Variants in SLC12A1 observed in about 807,000 individuals in gnomAD.
SLC12A1 encodes the protein solute carrier family 12 member 1.
SLC12A1 carries 89 observed loss-of-function variants against 130.4 expected under a neutral mutation model. The observed-to-expected ratio is 0.68, with a 90% CI of 0.58 to 0.81. The LOEUF is 0.81. Among genes scored for constraint, SLC12A1 ranks in the 40% least tolerant of loss-of-function variants. SLC12A1 has a pLI of 0.00. For synonymous variants in SLC12A1, 499 were observed against 460.0 expected (o/e 1.08, Z -1.09); for missense variants, 1,310 against 1,336.4 (o/e 0.98, Z 0.31).
At position 48,246,929 on chromosome 15, in the gene SLC12A1, G is replaced by A. The variant is rs753909595; in HGVS notation, c.1473G>A (p.Gly491=). 3 of 1,613,644 alleles carry A rather than the reference G, an allele frequency of 1.9e-6. No homozygotes were observed. Among genetic ancestry groups the A allele is most frequent in the African/African-American group, 2.7e-5 (2 of 74,896 alleles). ...TCAAGGTCATGAGCATGGTATCAGG[G>A]TTCGGCCCCCTCATCACTGCGGGAA... ...NNFQVMSMVS[G]FGPLITAGIF... is the part of the protein sequence containing the mutation. The change falls in exon 12 of 27, where the codon GGG becomes GGA. Residue 491 remains glycine, a synonymous_variant. Transcript: ENST00000380993.
At chr15:48,259,132 A>G (rs2041741373) in intron 16 of SLC12A1, 68 bp from the exon 17 acceptor site, 2 of 1,012,752 alleles carry the variant, frequency 2.0e-6, no homozygotes, top group Admixed American at 1.7e-5. Context: ...CTGTCATCCC[A>G]CTGGAATGGT....
intron 2 of SLC12A1, among the ~76,000 whole-genome samples, chr15:48,215,908 T>G (rs964634741): frequency 6.6e-6 from 1 of 152,330 alleles, no homozygotes; most frequent in South Asian, 2.1e-4. Context: ...CTGAATGAAT[T>G]GCACAACCAA....
chr15:48,209,447 C>A (rs899833132), intron 2 of SLC12A1, among the ~76,000 whole-genome samples: 2 of 152,136 alleles, frequency 1.3e-5, no homozygotes, highest in Admixed American at 1.3e-4. Context: ...CCTGCTCTTC[C>A]AGACCAGTTT....
chr15:48,226,221 A>G (rs2041283876), intron 4 of SLC12A1: 1 of 419,158 alleles, frequency 2.4e-6, no homozygotes, highest in African/African-American at 2.1e-5. Flanking sequence ...GGACACCAGC[A>G]TAAGTCAACT....
chr15:48,227,476 C>T, intron 5 of SLC12A1: 1 of 359,884 alleles, frequency 2.8e-6, no homozygotes, highest in Non-Finnish European at 5.2e-6. Context: ...ATGAGACCCA[C>T]TGGCTCTCTC....
intron 4 of SLC12A1, chr15:48,223,104 CT>C (rs1304361569): frequency 2.0e-5 from 3 of 152,180 alleles, no homozygotes; most frequent in Non-Finnish European, 2.9e-5. Flanking sequence ...GTTTCCCTTT[CT>C]TTTCTAAATA....
At chr15:48,262,065 T>C (rs921195283) in intron 17 of SLC12A1, among the ~76,000 whole-genome samples, 14 of 152,250 alleles carry the variant, frequency 9.2e-5, no homozygotes, top group African/African-American at 3.4e-4. Context: ...ATTTTTGGTA[T>C]GCTATAGTTG....
At chr15:48,210,559 G>A (rs951112167) in intron 2 of SLC12A1, among the ~76,000 whole-genome samples, 8 of 152,066 alleles carry the variant, frequency 5.3e-5, no homozygotes, top group Non-Finnish European at 1.0e-4. Flanking sequence ...CAGGTGTTTA[G>A]AAAGCCATCT....
intron 7 of SLC12A1, among the ~76,000 whole-genome samples, chr15:48,232,066 T>A (rs1035301421): frequency 2.5e-4 from 38 of 152,146 alleles, no homozygotes; most frequent in African/African-American, 8.7e-4. Context: ...AGAAAGGCCC[T>A]CTGAGGAGGT....
chr15:48,220,178 G>GAT (rs972488669), intron 2 of SLC12A1, among the ~76,000 whole-genome samples: 1 of 146,614 alleles, frequency 6.8e-6, no homozygotes, highest in Non-Finnish European at 1.5e-5. Flanking sequence ...TAGATAGATA[G>GAT]ATAGATAAAA....
chr15:48,295,778 A>G (rs899091240), intron 24 of SLC12A1, among the ~76,000 whole-genome samples: 1 of 152,194 alleles, frequency 6.6e-6, no homozygotes, highest in African/African-American at 2.4e-5. Flanking sequence ...GGCCACCAGG[A>G]GTGTGCTGGA....
intron 2 of SLC12A1, among the ~76,000 whole-genome samples, chr15:48,210,320 T>A (rs1254834696): frequency 6.6e-6 from 1 of 152,208 alleles, no homozygotes. Context: ...AATTTTTAAA[T>A]CTGCCTCCTT....
chr15:48,301,603 G>A (rs1597465471), intron 26 of SLC12A1, among the ~76,000 whole-genome samples: 1 of 151,698 alleles, frequency 6.6e-6, no homozygotes, highest in African/African-American at 2.4e-5. Context: ...GCCTCACTTG[G>A]ACTTGCTGTC....
In SLC12A1 at chr15:48,254,592, TAAAAAAAAAAAAAAAAA is replaced by T. The variant is rs550686114; in HGVS notation, c.1943-1197_1943-1181del. On this transcript the variant is annotated intron_variant, in intron 15 of 26. Transcript: ENST00000380993. ...AAGATCCATTTAATACTTAAATTCG[TAAAAAAAAAAAAAAAAA>T]AAAAAAAAAAAAAAAAAAAAACCCA... 2.1e-3 allele frequency among the ~76,000 whole-genome samples: 109 copies of T among 52,888 alleles called. 1 individual carries two copies. The highest frequency in any genetic ancestry group is 3.1e-3 in the South Asian group (4 of 1,286). 34.7% of individuals were successfully genotyped at this position (52,888 alleles called of 152,430 possible).
At chr15:48,226,862 T>C (rs2041295527) in intron 5 of SLC12A1, 1 of 595,972 alleles carries the variant, frequency 1.7e-6, no homozygotes, top group Non-Finnish European at 2.9e-6. Flanking sequence ...CTCTAGCTGA[T>C]GTTCCTTGGA....
At chr15:48,266,219 C>T (rs1353313510) in intron 17 of SLC12A1, among the ~76,000 whole-genome samples, 1 of 152,180 alleles carries the variant, frequency 6.6e-6, no homozygotes, top group Non-Finnish European at 1.5e-5. Flanking sequence ...AGATCTCAAC[C>T]CAACATTCTG....
At chr15:48,255,570 C>T (rs148068292) in intron 15 of SLC12A1, among the ~76,000 whole-genome samples, 221 of 152,318 alleles carry the variant, frequency 1.5e-3, no homozygotes, top group Non-Finnish European at 2.7e-3. Context: ...TCTAGGACTG[C>T]AGTTGTACAG....
Position 48,230,531 on chromosome 15 carries a change from A to G in SLC12A1, c.975+28A>G. On this transcript the variant is annotated intron_variant, in intron 7 of 26. Transcript: ENST00000380993. ...AAATTTCTCAAAAATGATATTATCA[A>G]CAGTGGCTGGTCAGGTCCTGAACAA... is the stretch of plus-strand genomic sequence containing the variant. The G allele has an allele frequency of 2.8e-6, 4 of 1,426,856 alleles. 1 individual carries two copies. Among genetic ancestry groups the G allele is most frequent in the South Asian group, 2.4e-5 (2 of 83,790 alleles). The allele number at this position is 1,426,856 out of a possible 1,614,324, so 88.4% of individuals were successfully genotyped here. A position where few individuals can be genotyped will look rare whatever the true frequency, so the allele number is the denominator to read the frequency against.
At chr15:48,276,495 G>A (rs2041955537) in intron 20 of SLC12A1, among the ~76,000 whole-genome samples, 1 of 152,180 alleles carries the variant, frequency 6.6e-6, no homozygotes, top group African/African-American at 2.4e-5. Flanking sequence ...TATAAGAAGA[G>A]ATTAGGATAC....
Sources: gnomAD v4.1 joint callset for allele counts (sites outside exome capture counted in the v4.1 genomes callset) on GRCh38, gnomAD v4.1.1 for gene constraint, MANE v1.5 for transcripts, NCBI Gene and HGNC (gene_info 2026-07-23, HGNC 2026-07-21) for gene names.